Variants in TMEM175 observed in about 807,000 individuals in gnomAD.
TMEM175 encodes the protein transmembrane protein 175, also known as endosomal/lysosomal proton channel TMEM175.
TMEM175 carries 36 observed loss-of-function variants against 36.5 expected under a neutral mutation model. The ratio of observed to expected loss-of-function variants is 0.99; its 90% confidence interval spans 0.76 to 1.30. TMEM175 has a LOEUF of 1.30. Ranked by LOEUF, TMEM175 falls within the 50% of genes most tolerant of loss-of-function variation. The probability of loss-of-function intolerance (pLI) is 0.00; values close to 1 mark genes in which losing one functional copy is unlikely to be tolerated. For synonymous variants in TMEM175, 339 were observed against 313.4 expected (o/e 1.08, Z -0.86); for missense variants, 705 against 692.8 (o/e 1.02, Z -0.20).
In TMEM175 at chr4:958,322, C is replaced by A. The variant is rs2153006654; in HGVS notation, c.1341C>A (p.Ile447=). The A allele has an allele frequency of 6.2e-7, 1 of 1,605,500 alleles. No homozygotes were observed. Among genetic ancestry groups the A allele is most frequent in the Non-Finnish European group, 8.5e-7 (1 of 1,179,848 alleles). The change falls in exon 11 of 11, where the codon ATC becomes ATA. Residue 447 remains isoleucine (I), a synonymous_variant. Coordinates refer to ENST00000264771, the MANE Select transcript of TMEM175 (RefSeq NM_032326.4). ...TGCTGAGCAGGTTCAGTGTGGGCATCTTCCACCTCATGCAGATCGCCGTGC... is the reference window on the plus strand; with the variant it reads ...TGCTGAGCAGGTTCAGTGTGGGCATATTCCACCTCATGCAGATCGCCGTGC... ...TCLLSRFSVG[I]FHLMQIAVPC... is the part of the protein sequence containing the mutation.
chr4:950,991 C>T lies in TMEM175; in HGVS notation c.291-216C>T, dbSNP rs557769685. Among the ~76,000 whole-genome samples the T allele has an allele frequency of 4.5e-4, 68 of 151,646 alleles. 2 individuals carry two copies. In the South Asian group the frequency reaches 0.01, roughly 23 times the overall value. On this transcript the variant is annotated intron_variant, in intron 4 of 10. Transcript: ENST00000264771. ...GCAGTAGGCGGAGGTGTGGGCGGTG[C>T]GGATGGTGCAGGGTGTGGATGGGAG...
chr4:953,812 A>C (rs149411162), intron 8 of TMEM175, among the ~76,000 whole-genome samples: 197 of 152,220 alleles, frequency 1.3e-3, no homozygotes, highest in South Asian at 3.7e-3. Context: ...CAGCCTCCCA[A>C]GTAGCTGGGA....
At chr4:956,200 C>A in intron 10 of TMEM175, 1 of 864,422 alleles carries the variant, frequency 1.2e-6, no homozygotes, top group Non-Finnish European at 1.6e-6. Context: ...AGGGGCTCAG[C>A]AGCCATGGGT....
rs1259419211 is a variant in TMEM175 at position 951,311 on chromosome 4, C to G, written c.342+53C>G. Reference sequence around the variant, plus strand: ...GAGTGACTCTGGTCTGTAATCTGACCCTCAGGGAAGAGGGGAAGGGAGCAG... The same window carrying G: ...GAGTGACTCTGGTCTGTAATCTGACGCTCAGGGAAGAGGGGAAGGGAGCAG... On this transcript the variant is annotated intron_variant, in intron 5 of 10. Coordinates refer to ENST00000264771, the MANE Select transcript of TMEM175 (RefSeq NM_032326.4). 1.9e-6 allele frequency: 3 copies of G among 1,602,116 alleles called. No individual in the cohort carries two copies. In the African/African-American group the frequency reaches 4.0e-5, roughly 21 times the overall value.
chr4:948,045 C>T, intron 2 of TMEM175, 71 bp from the exon 3 acceptor site: 1 of 1,613,244 alleles, frequency 6.2e-7, no homozygotes, highest in Non-Finnish European at 8.5e-7. Flanking sequence ...CTCGAGTCCC[C>T]AGTACTGCCA....
intron 8 of TMEM175, 81 bp downstream of exon 8, chr4:953,435 C>G: frequency 6.7e-7 from 1 of 1,486,250 alleles, no homozygotes; most frequent in East Asian, 2.3e-5. Flanking sequence ...GCAACAAACA[C>G]GGGGGTGGGG....
chr4:944,285 T>G (rs1434981504), intron 1 of TMEM175, among the ~76,000 whole-genome samples: 6 of 152,158 alleles, frequency 3.9e-5, no homozygotes, highest in Non-Finnish European at 8.8e-5. Context: ...AGAGCAAGAC[T>G]GTCTCAAAAA....
Position 932,621 on chromosome 4 carries a change from C to T in TMEM175, c.-32+81C>T, listed in dbSNP as rs981194942. ...TGGGAGGCTCCTTCTCAGGTGTCTC[C>T]GGTTTAAGCGCTTCGCCATCCTCTG... On this transcript the variant is annotated intron_variant, in intron 1 of 10. Coordinates refer to ENST00000264771, the MANE Select transcript of TMEM175 (RefSeq NM_032326.4). This position sits in a 1 kb window ranked among gnomAD's most constrained non-coding sequence, Gnocchi z 4.0. The T allele has an allele frequency of 2.7e-6, 1 of 364,670 alleles. No individual in the cohort carries two copies. Among genetic ancestry groups the T allele is most frequent in the Non-Finnish European group, 4.9e-6 (1 of 204,336 alleles). The allele number at this position is 364,670 out of a possible 1,614,324, so 22.6% of individuals were successfully genotyped here.
chr4:947,842 C>T lies in TMEM175; in HGVS notation c.103C>T (p.Arg35Cys), dbSNP rs542936413. 2.4e-5 allele frequency: 38 copies of T among 1,613,490 alleles called. No individual in the cohort carries two copies. The highest frequency in any genetic ancestry group is 1.6e-4 in the Middle Eastern group (1 of 6,062). Residue 35 changes from arginine (R) to cysteine (C), a missense_variant, in exon 2 of 11, where the codon CGC (arginine) becomes TGC (cysteine). Physicochemically the swap from Arg to Cys is radical, Grantham distance 180. Transcript: ENST00000264771. ...TGGGGAGGGGATCCAGTGCTCCCAA[C>T]GCATGCTCAGCTTCAGTGACGCCCT... Reference protein sequence around the residue: ...DAGEGIQCSQRMLSFSDALLS... With the variant: ...DAGEGIQCSQCMLSFSDALLS...
At position 958,395 on chromosome 4, in the gene TMEM175, A is replaced by G. The variant is rs1553910349; in HGVS notation, c.1414A>G (p.Thr472Ala). The G allele has an allele frequency of 1.2e-6, 2 of 1,600,804 alleles. No individual in the cohort carries two copies. The highest frequency in any genetic ancestry group is 4.5e-5 in the East Asian group (2 of 44,810). Residue 472 changes from threonine (T) to alanine (A), a missense_variant, in exon 11 of 11, where the codon ACC becomes GCC. Coordinates refer to ENST00000264771, the MANE Select transcript of TMEM175 (RefSeq NM_032326.4). ...LRLLVGLALA[T>A]LRVLRGLARP... ...CCTGCTCGTGGGCCTGGCCCTGGCC[A>G]CCCTGCGGGTCCTGCGGGGCCTCGC...
At chr4:939,018 T>C (rs1276657075) in intron 1 of TMEM175, among the ~76,000 whole-genome samples, 4 of 152,232 alleles carry the variant, frequency 2.6e-5, no homozygotes, top group African/African-American at 7.2e-5. Flanking sequence ...CTGTGGTGGC[T>C]GGGTGTAGAG....
intron 8 of TMEM175, among the ~76,000 whole-genome samples, chr4:953,659 G>A (rs1008128601): frequency 6.6e-6 from 1 of 152,240 alleles, no homozygotes; most frequent in Non-Finnish European, 1.5e-5. Flanking sequence ...GCGACACCCG[G>A]AATCCGGGGG....
At position 951,253 on chromosome 4, in the gene TMEM175, A is replaced by G. The variant is rs769760221; in HGVS notation, c.337A>G (p.Asn113Asp). 1 of 1,614,100 alleles carries G rather than the reference A, an allele frequency of 6.2e-7. No individual in the cohort carries two copies. Among genetic ancestry groups the G allele is most frequent in the Non-Finnish European group, 8.5e-7 (1 of 1,179,990 alleles). The change falls in exon 5 of 11, where the codon AAC becomes GAC. Residue 113 changes from asparagine to aspartate, a missense_variant. Transcript: ENST00000264771. Reference sequence around the variant, plus strand: ...AACAGACGACACACTTGCCCTGCTCAACCTGGTGAGTATTTTCCGGTCCTT... The same window carrying G: ...AACAGACGACACACTTGCCCTGCTCGACCTGGTGAGTATTTTCCGGTCCTT... The part of the protein sequence containing the change: ...GKTDDTLALL[N>D]LACMMTITFL...
At chr4:937,440 G>A (rs1221520025) in intron 1 of TMEM175, among the ~76,000 whole-genome samples, 1 of 152,202 alleles carries the variant, frequency 6.6e-6, no homozygotes, top group African/African-American at 2.4e-5. Flanking sequence ...GTAGGTGCCT[G>A]TAATCCCAGC....
At chr4:934,468 G>A (rs1027947101) in intron 1 of TMEM175, among the ~76,000 whole-genome samples, 14 of 151,628 alleles carry the variant, frequency 9.2e-5, no homozygotes, top group Non-Finnish European at 1.9e-4. Flanking sequence ...TATTCACAAG[G>A]GATCATTGGT....
chr4:933,888 T>G (rs1157242384), intron 1 of TMEM175, among the ~76,000 whole-genome samples: 2 of 152,210 alleles, frequency 1.3e-5, no homozygotes, highest in East Asian at 3.8e-4. Context: ...TAAAAATATA[T>G]ATAACAAAAA....
chr4:950,216 C>G (rs771668488), intron 3 of TMEM175, among the ~76,000 whole-genome samples: 13 of 152,034 alleles, frequency 8.6e-5, no homozygotes, highest in Non-Finnish European at 1.8e-4. Flanking sequence ...GGAGACAGAC[C>G]AGCTGGAGAC....
intron 1 of TMEM175, among the ~76,000 whole-genome samples, chr4:937,635 C>T (rs192847315): frequency 6.6e-6 from 1 of 152,328 alleles, no homozygotes; most frequent in East Asian, 1.9e-4. Flanking sequence ...AGAAATAATA[C>T]CAGTTCTATA....
intron 1 of TMEM175, among the ~76,000 whole-genome samples, chr4:947,111 C>T (rs1046420287): frequency 6.8e-6 from 1 of 146,920 alleles, no homozygotes; most frequent in Admixed American, 6.8e-5. Context: ...CATGCGTGCA[C>T]GGGCGCCGAG....
Sources: allele counts gnomAD v4.1 joint callset (sites outside exome capture counted in the v4.1 genomes callset), GRCh38; gene constraint gnomAD v4.1.1; non-coding constraint Gnocchi (gnomAD v3.1); transcripts MANE v1.5; gene names NCBI Gene and HGNC (gene_info 2026-07-23, HGNC 2026-07-21).